BEND7: variants seen among roughly 807,000 people sequenced by gnomAD.
The protein encoded by BEND7 is BEN domain-containing protein 7.
Under a neutral mutation model 50.9 loss-of-function variants are expected in BEND7, and 28 were observed. That is an observed-to-expected ratio of 0.55 (90% confidence interval 0.41 to 0.75). BEND7 has a LOEUF of 0.75. Ranked by LOEUF, BEND7 falls within the 30% of genes least tolerant of loss-of-function variation. The pLI is 0.00. For missense variants in BEND7, 477 were observed against 491.3 expected (o/e 0.97, Z 0.28); for synonymous variants, 170 against 183.9 (o/e 0.92, Z 0.61).
At chr10:13,472,670 A>AG (rs2074994723) in intron 6 of BEND7, among the ~76,000 whole-genome samples, 1 of 151,764 alleles carries the variant, frequency 6.6e-6, no homozygotes, top group Non-Finnish European at 1.5e-5. Context: ...CATCACTGTT[A>AG]GACTCAGGGT....
intron 2 of BEND7, among the ~76,000 whole-genome samples, chr10:13,509,979 A>G (rs2078164650): frequency 6.6e-6 from 1 of 152,234 alleles, no homozygotes; most frequent in South Asian, 2.1e-4. Flanking sequence ...TTATTTTATA[A>G]TCAATATAGC....
intron 7 of BEND7, among the ~76,000 whole-genome samples, chr10:13,449,790 T>A (rs1388672987): frequency 2.0e-5 from 3 of 152,152 alleles, no homozygotes; most frequent in African/African-American, 7.2e-5. Flanking sequence ...CAAAAAAATA[T>A]ATAGATGATT....
chr10:13,520,020 C>T (rs951145406), intron 2 of BEND7, among the ~76,000 whole-genome samples: 12 of 152,108 alleles, frequency 7.9e-5, no homozygotes, highest in African/African-American at 2.4e-4. Flanking sequence ...AAACAGACAG[C>T]GAACTGAAAG....
chr10:13,483,294 C>G (rs1215768093), intron 5 of BEND7, among the ~76,000 whole-genome samples: 1 of 152,188 alleles, frequency 6.6e-6, no homozygotes, highest in Non-Finnish European at 1.5e-5. Flanking sequence ...CCTGAATGAG[C>G]TACCAGGCGG....
chr10:13,465,929 C>T (rs1018303159), intron 6 of BEND7, among the ~76,000 whole-genome samples: 1 of 151,944 alleles, frequency 6.6e-6, no homozygotes, highest in African/African-American at 2.4e-5. Flanking sequence ...GGACAGACAA[C>T]AATATTCTTT....
chr10:13,484,751 CACTT>C (rs2076099703), intron 5 of BEND7, among the ~76,000 whole-genome samples: 1 of 152,200 alleles, frequency 6.6e-6, no homozygotes, highest in African/African-American at 2.4e-5. Flanking sequence ...GGATTTAAGA[CACTT>C]AGAGTCATGA....
chr10:13,469,310 T>C (rs2074565300), intron 6 of BEND7, among the ~76,000 whole-genome samples: 1 of 152,144 alleles, frequency 6.6e-6, no homozygotes, highest in South Asian at 2.1e-4. Context: ...AAGACTTGAC[T>C]GCAGGGAGCA....
intron 6 of BEND7, among the ~76,000 whole-genome samples, chr10:13,467,460 C>G (rs1245256102): frequency 6.6e-6 from 1 of 152,216 alleles, no homozygotes; most frequent in Non-Finnish European, 1.5e-5. Context: ...GCATGACATA[C>G]TACACTTTCC....
chr10:13,458,294 G>A (rs1839471931), intron 6 of BEND7, among the ~76,000 whole-genome samples: 1 of 152,216 alleles, frequency 6.6e-6, no homozygotes, highest in South Asian at 2.1e-4. Context: ...GCAGCGCGTG[G>A]CGTGTCTGAC....
intron 6 of BEND7, among the ~76,000 whole-genome samples, chr10:13,464,814 T>G (rs190865224): frequency 6.6e-6 from 1 of 152,290 alleles, no homozygotes. Flanking sequence ...ATGTCAACGC[T>G]GACTAGATTT....
chr10:13,474,135 C>T (rs748808058), intron 6 of BEND7, among the ~76,000 whole-genome samples: 3 of 151,876 alleles, frequency 2.0e-5, no homozygotes, highest in African/African-American at 4.8e-5. Flanking sequence ...TATCCATCAT[C>T]GCTGTTAGAC....
chr10:13,465,668 A>G (rs907519271), intron 6 of BEND7, among the ~76,000 whole-genome samples: 4 of 152,088 alleles, frequency 2.6e-5, no homozygotes, highest in Admixed American at 2.0e-4. Context: ...TATTATTATT[A>G]TTTTAACTGG....
At chr10:13,452,999 G>GGAAAAATGTTCCATTAATATGTTAAC (rs1838113713) in intron 6 of BEND7, among the ~76,000 whole-genome samples, 1 of 152,204 alleles carries the variant, frequency 6.6e-6, no homozygotes, top group Admixed American at 6.5e-5. Flanking sequence ...ACAAGGTTTA[G>GGAAAAATGTTCCATTAATATGTTAAC]CAAACGTATT....
chr10:13,445,745 GTACTCACCACTTGGGGGTGAATATAAACT>G (rs1254559725), intron 8 of BEND7: 3 of 152,172 alleles, frequency 2.0e-5, no homozygotes, highest in African/African-American at 7.2e-5. Context: ...AAGGCATTCC[GTACTCACCACTTGGGGGTGAATATAAACT>G]TCAAGGGGAG....
chr10:13,447,712 T>G (rs1374470729), intron 7 of BEND7, among the ~76,000 whole-genome samples: 1 of 151,912 alleles, frequency 6.6e-6, no homozygotes, highest in Non-Finnish European at 1.5e-5. Context: ...CCTGGCTAAT[T>G]TTTTGTATTT....
At chr10:13,498,187 T>C (rs1458850700) in intron 3 of BEND7, among the ~76,000 whole-genome samples, 1 of 150,934 alleles carries the variant, frequency 6.6e-6, no homozygotes, top group African/African-American at 2.4e-5. Context: ...GCGCTTCTCA[T>C]GCCTCAGCCC....
Position 13,446,823 on chromosome 10 carries a change from CAT to C in BEND7, c.1234+441_1234+442del, listed in dbSNP as rs1403176583. ...CCTTGTTCAAATCGCTCAGTTAAAA[CAT>C]AGTATTCACTGGGTGTCCACTGATT... On this transcript the variant is annotated intron_variant, in intron 8 of 8. Coordinates refer to ENST00000466271, the MANE Select transcript of BEND7 (RefSeq NM_001369863.1). 4 of 215,998 alleles carry C rather than the reference CAT, an allele frequency of 1.9e-5. No individual in the cohort carries two copies. The East Asian group carries it at 4.8e-4, about 26-fold the overall frequency. The allele number at this position is 215,998 out of a possible 1,614,324, so 13.4% of individuals were successfully genotyped here. A position where few individuals can be genotyped will look rare whatever the true frequency, so the allele number is the denominator to read the frequency against.
intron 4 of BEND7, among the ~76,000 whole-genome samples, chr10:13,494,222 TC>T (rs1422958884): frequency 6.6e-6 from 1 of 152,014 alleles, no homozygotes; most frequent in Non-Finnish European, 1.5e-5. Context: ...ATCGAGACCA[TC>T]CTGGCCAACA....
intron 2 of BEND7, among the ~76,000 whole-genome samples, chr10:13,519,227 C>G (rs1260541412): frequency 6.6e-6 from 1 of 152,186 alleles, no homozygotes; most frequent in Non-Finnish European, 1.5e-5. Flanking sequence ...AATCCCAGCA[C>G]TTTGGGAGGC....
Sources: gnomAD v4.1 joint callset for allele counts (sites outside exome capture counted in the v4.1 genomes callset) on GRCh38, gnomAD v4.1.1 for gene constraint, MANE v1.5 for transcripts, NCBI Gene and HGNC (gene_info 2026-07-23, HGNC 2026-07-21) for gene names.